Variants in SEC22B observed in about 807,000 individuals in gnomAD.
The protein encoded by SEC22B is SEC22 homolog B, vesicle trafficking protein, also known as vesicle-trafficking protein SEC22b.
Under a neutral mutation model 31.4 loss-of-function variants are expected in SEC22B, and 10 were observed. The ratio of observed to expected loss-of-function variants is 0.32; its 90% CI spans 0.20 to 0.54. The LOEUF (loss-of-function observed/expected upper bound fraction) is 0.54. Ranked by LOEUF, SEC22B falls within the 20% of genes least tolerant of loss-of-function variation. The pLI is 0.94. For synonymous variants in SEC22B, 60 were observed against 95.9 expected (o/e 0.63, Z 2.19); for missense variants, 130 against 263.4 (o/e 0.49, Z 3.50).
At position 120,151,237 on chromosome 1, in the gene SEC22B, T is replaced by C. The variant is rs1428439888; in HGVS notation, c.*5801A>G. ...AAAATGTTTGACTGGTTAGAGACGC[T>C]AGATTATTTTGTGTGGCTAAGACAA... On this transcript the variant is annotated 3_prime_UTR_variant, in exon 5 of 5. Coordinates refer to ENST00000578049, the MANE Select transcript of SEC22B (RefSeq NM_004892.6). 5 of 152,108 alleles carry C rather than the reference T, an allele frequency of 3.3e-5. No individual in the cohort carries two copies. The highest frequency in any genetic ancestry group is 3.2e-3 in the Middle Eastern group (1 of 316). 9.4% of individuals were successfully genotyped at this position (152,108 alleles called of 1,614,324 possible). A position where few individuals can be genotyped will look rare whatever the true frequency, so the allele number is the denominator to read the frequency against.
chr1:120,175,706 C>T (rs1470625122), intron 1 of SEC22B, among the ~76,000 whole-genome samples: 1 of 152,028 alleles, frequency 6.6e-6, no homozygotes, highest in African/African-American at 2.4e-5. Flanking sequence ...CGTCGTTTGC[C>T]CGCTAGGAAA....
chr1:120,162,736 A>C lies in SEC22B; in HGVS notation c.346+474T>G, dbSNP rs1250140336. Reference sequence around the variant, plus strand: ...ATACCATGAGTACCAGGTATCTTCTATTTCTTTGTTATGTTTTGTTTTTTT... The same window carrying C: ...ATACCATGAGTACCAGGTATCTTCTCTTTCTTTGTTATGTTTTGTTTTTTT... On this transcript the variant is annotated intron_variant, in intron 3 of 4. Coordinates refer to ENST00000578049, the MANE Select transcript of SEC22B (RefSeq NM_004892.6). Among the ~76,000 whole-genome samples the C allele has an allele frequency of 3.8e-3, 578 of 152,218 alleles. 4 individuals are homozygous for C. Among genetic ancestry groups the C allele is most frequent in the Admixed American group, 6.7e-3 (102 of 15,278 alleles).
In SEC22B at chr1:120,156,819, A is replaced by G. The variant is rs1657635345; in HGVS notation, c.*219T>C. The G allele has an allele frequency of 2.7e-6, 1 of 369,440 alleles. No individual in the cohort carries two copies. The allele number at this position is 369,440 out of a possible 1,614,324, so 22.9% of individuals were successfully genotyped here. On this transcript the variant is annotated 3_prime_UTR_variant, in exon 5 of 5. Coordinates refer to ENST00000578049, the MANE Select transcript of SEC22B (RefSeq NM_004892.6). ...CCCTAATATATATGGCTTGGCACCC[A>G]GAGAAAGCCTCTGCCCCCGAAAGAG...
chr1:120,176,187 G>A (rs2101134198), intron 1 of SEC22B, 120 bp downstream of exon 1: 1 of 824,096 alleles, frequency 1.2e-6, no homozygotes, highest in East Asian at 2.7e-5. Context: ...GCGCACTTCA[G>A]AGAGGTCGGG....
chr1:120,171,976 T>C (rs1570871127), intron 1 of SEC22B, among the ~76,000 whole-genome samples: 1 of 149,364 alleles, frequency 6.7e-6, no homozygotes, highest in East Asian at 2.0e-4. Context: ...GGTATGGGGG[T>C]TCACGCCTGT....
intron 3 of SEC22B, among the ~76,000 whole-genome samples, chr1:120,162,016 G>A (rs1457734643): frequency 1.4e-5 from 2 of 140,940 alleles, no homozygotes; most frequent in Non-Finnish European, 3.0e-5. Context: ...AGTGATGTCC[G>A]GGTATTTATT....
In SEC22B at chr1:120,176,428, G is replaced by A. The variant is rs1553230227; in HGVS notation, c.-47C>T. ...AACACTGGCCCGGAAGGCCCTTGGC[G>A]CCGTCCTCACTTCCTCCGCCGCGAC... On this transcript the variant is annotated 5_prime_UTR_variant, in exon 1 of 5. Coordinates refer to ENST00000578049, the MANE Select transcript of SEC22B (RefSeq NM_004892.6). 19 of 1,556,032 alleles carry A rather than the reference G, an allele frequency of 1.2e-5. No individual in the cohort carries two copies. In the Admixed American group the frequency reaches 1.4e-4, roughly 11 times the overall value.
In SEC22B at chr1:120,163,331, A is replaced by G. The variant is rs1440651539; in HGVS notation, c.225T>C (p.Cys75=). 24 of 1,607,530 alleles carry G rather than the reference A, an allele frequency of 1.5e-5. No individual in the cohort carries two copies. In the African/African-American group the frequency reaches 3.1e-4, roughly 21 times the overall value. ...CCAACTTCTTAGGGAAGGCAGCTTC[A>G]CATAAAACCAAATAACACACCCCCT... The part of the protein sequence containing the change: ...IEQGVCYLVL[C]EAAFPKKLAF... The change falls in exon 3 of 5, where the codon TGT becomes TGC. Residue 75 remains cysteine (C), a synonymous_variant. Coordinates refer to ENST00000578049, the MANE Select transcript of SEC22B (RefSeq NM_004892.6).
At chr1:120,169,054 G>A in intron 1 of SEC22B, 105 bp from the exon 2 acceptor site, 1 of 390,184 alleles carries the variant, frequency 2.6e-6, no homozygotes, top group Non-Finnish European at 4.6e-6. Context: ...TTCATTTACA[G>A]GTAAGTAAGA....
chr1:120,161,306 C>T (rs1657714134), intron 3 of SEC22B, among the ~76,000 whole-genome samples: 1 of 152,194 alleles, frequency 6.6e-6, no homozygotes, highest in Non-Finnish European at 1.5e-5. Context: ...TTTACCTTTT[C>T]TCTAATATAC....
intron 2 of SEC22B, among the ~76,000 whole-genome samples, chr1:120,168,232 T>C (rs1216448836): frequency 6.6e-6 from 1 of 151,968 alleles, no homozygotes; most frequent in Non-Finnish European, 1.5e-5. Flanking sequence ...TTGGCATGTA[T>C]TAAACATTAA....
rs1373587895 is a variant in SEC22B at position 120,151,495 on chromosome 1, A to T, written c.*5543T>A. The T allele has an allele frequency of 6.6e-5, 10 of 152,168 alleles. No individual in the cohort carries two copies. Among genetic ancestry groups the T allele is most frequent in the Admixed American group, 5.2e-4 (8 of 15,262 alleles). The allele number at this position is 152,168 out of a possible 1,614,324, so 9.4% of individuals were successfully genotyped here. A position where few individuals can be genotyped will look rare whatever the true frequency, so the allele number is the denominator to read the frequency against. Reference sequence around the variant, plus strand: ...CAGGAGTTCAAGACGGTGAAACTCCATCTCTACTAAAAATACAAAAATTAG... The same window carrying T: ...CAGGAGTTCAAGACGGTGAAACTCCTTCTCTACTAAAAATACAAAAATTAG... On this transcript the variant is annotated 3_prime_UTR_variant, in exon 5 of 5. Coordinates refer to ENST00000578049, the MANE Select transcript of SEC22B (RefSeq NM_004892.6).
intron 2 of SEC22B, among the ~76,000 whole-genome samples, chr1:120,167,533 CCCTACAAATGGGAATTTGTT>C (rs1657831484): frequency 6.6e-6 from 1 of 151,898 alleles, no homozygotes; most frequent in Admixed American, 6.6e-5. Flanking sequence ...CAAACTTACC[CCCTACAAATGGGAATTTGTT>C]CCTTCCTTCT....
chr1:120,170,987 C>CTTTAA (rs1201316093), intron 1 of SEC22B, among the ~76,000 whole-genome samples: 37,419 of 127,842 alleles, frequency 0.29, 10,020 homozygotes, highest in African/African-American at 0.45. Flanking sequence ...ATTTAAAATT[C>CTTTAA]TTTAATAAAA....
At position 120,168,928 on chromosome 1, in the gene SEC22B, A is replaced by G. The variant is rs1268709061; in HGVS notation, c.97T>C (p.Tyr33His). Residue 33 changes from tyrosine to histidine, a missense_variant, in exon 2 of 5, where the codon TAT becomes CAT. Tyr to His is a moderately conservative substitution (Grantham distance 83). Transcript: ENST00000578049. ...AAGAGTTGCTTAGCCTGACTCTGAT[A>G]TTGTTGAAGGTCCCGGCCAGACTGA... ...DEQSGRDLQQ[Y>H]QSQAKQLFRK... 1.7e-4 allele frequency: 218 copies of G among 1,317,452 alleles called. 3 individuals carry two copies. Among genetic ancestry groups the G allele is most frequent in the Admixed American group, 6.5e-4 (24 of 37,198 alleles). 81.6% of individuals were successfully genotyped at this position (1,317,452 alleles called of 1,614,324 possible).
Position 120,176,385 on chromosome 1 carries a change from C to T in SEC22B, c.-4G>A. ...CGATCATTGTTAGCAACACCATCTTCACAAACTACAGGGATCCAACACTGG... is the reference window on the plus strand; with the variant it reads ...CGATCATTGTTAGCAACACCATCTTTACAAACTACAGGGATCCAACACTGG... On this transcript the variant is annotated 5_prime_UTR_variant, in exon 1 of 5. Coordinates refer to ENST00000578049, the MANE Select transcript of SEC22B (RefSeq NM_004892.6). 6.2e-7 allele frequency: 1 copy of T among 1,613,728 alleles called. No homozygotes were observed. Among genetic ancestry groups the T allele is most frequent in the Non-Finnish European group, 8.5e-7 (1 of 1,179,784 alleles).
intron 2 of SEC22B, among the ~76,000 whole-genome samples, chr1:120,164,631 TA>T (rs1447851511): frequency 1.3e-5 from 2 of 152,262 alleles, no homozygotes; most frequent in African/African-American, 4.8e-5. Flanking sequence ...TAGTATTCCA[TA>T]CTGTATATAT....
At chr1:120,170,814 A>G (rs1657883997) in intron 1 of SEC22B, among the ~76,000 whole-genome samples, 1 of 148,612 alleles carries the variant, frequency 6.7e-6, no homozygotes, top group Admixed American at 6.6e-5. Flanking sequence ...CTTTTAGCCA[A>G]TAAGAACTAG....
At chr1:120,161,092 G>T (rs1269747159) in intron 3 of SEC22B, among the ~76,000 whole-genome samples, 1 of 152,078 alleles carries the variant, frequency 6.6e-6, no homozygotes, top group Non-Finnish European at 1.5e-5. Flanking sequence ...GCTATCTAAG[G>T]CTGCTATCAG....
Sources: allele counts gnomAD v4.1 joint callset (sites outside exome capture counted in the v4.1 genomes callset), GRCh38; gene constraint gnomAD v4.1.1; transcripts MANE v1.5; gene names NCBI Gene and HGNC (gene_info 2026-07-23, HGNC 2026-07-21).